The following CMYA5 variants were observed in gnomAD, a reference collection of about 807,000 sequenced individuals.
The protein encoded by CMYA5 is cardiomyopathy associated 5.
CMYA5 carries 246 observed loss-of-function variants against 318.9 expected under a neutral mutation model. The observed-to-expected ratio is 0.77, with a 90% confidence interval of 0.70 to 0.86. CMYA5 has a LOEUF of 0.86. Ranked by LOEUF, CMYA5 falls within the 40% of genes least tolerant of loss-of-function variation. The pLI is 0.00. For synonymous variants in CMYA5, 1,641 were observed against 1,729.5 expected (o/e 0.95, Z 1.27); for missense variants, 4,589 against 4,678.2 (o/e 0.98, Z 0.56).
At position 79,731,532 on chromosome 5, in the gene CMYA5, C is replaced by A. The variant is rs1246426258; in HGVS notation, c.2767C>A (p.Leu923Ile). The change falls in exon 2 of 13, where the codon CTA becomes ATA. Residue 923 changes from leucine (L) to isoleucine (I), a missense_variant. Physicochemically the swap from Leu to Ile is conservative, Grantham distance 5 (BLOSUM62 2). Transcript: ENST00000446378. ...AQEEEIVHRS[L>I]NLKGASSPMN... is the part of the protein sequence containing the mutation. The stretch of plus-strand genomic sequence containing the variant: ...GGAGGAAGAAATTGTCCATAGATCT[C>A]TAAATCTAAAAGGTGCATCCTCACC... The A allele has an allele frequency of 1.9e-6, 3 of 1,603,852 alleles. No individual in the cohort carries two copies. Among genetic ancestry groups the A allele is most frequent in the Non-Finnish European group, 2.6e-6 (3 of 1,175,348 alleles).
intron 9 of CMYA5, among the ~76,000 whole-genome samples, chr5:79,775,964 A>G (rs1040856464): frequency 1.3e-5 from 2 of 152,166 alleles, no homozygotes; most frequent in African/African-American, 4.8e-5. Flanking sequence ...AACTATAGAG[A>G]AAACAAAAAT....
chr5:79,758,152 C>A (rs914459946), intron 6 of CMYA5, among the ~76,000 whole-genome samples: 1 of 150,434 alleles, frequency 6.6e-6, no homozygotes, highest in Non-Finnish European at 1.5e-5. Context: ...ATTGCTTGAA[C>A]CCGGGAGGCG....
chr5:79,698,317 CAAAAAA>C (rs60791912), intron 1 of CMYA5, among the ~76,000 whole-genome samples: 4 of 148,882 alleles, frequency 2.7e-5, no homozygotes, highest in East Asian at 2.0e-4. Context: ...AAAACAAAAA[CAAAAAA>C]AAAAACACCT....
At chr5:79,775,616 A>G (rs1006451185) in intron 9 of CMYA5, among the ~76,000 whole-genome samples, 2 of 152,240 alleles carry the variant, frequency 1.3e-5, no homozygotes, top group East Asian at 3.8e-4. Flanking sequence ...ACTAAGAGAG[A>G]CAATTATATT....
intron 9 of CMYA5, among the ~76,000 whole-genome samples, chr5:79,778,815 G>GTGTGTGTGTGTGTGTGTGTGTGTA (rs1828994537): frequency 1.9e-5 from 2 of 106,070 alleles, no homozygotes; most frequent in Admixed American, 9.7e-5. Flanking sequence ...CTCTTTCTGT[G>GTGTGTGTGTGTGTGTGTGTGTGTA]TGTGTGTGTG....
intron 1 of CMYA5, among the ~76,000 whole-genome samples, chr5:79,707,011 G>A (rs921172924): frequency 1.3e-5 from 2 of 152,030 alleles, no homozygotes; most frequent in Admixed American, 6.6e-5. Flanking sequence ...TTTTTGCTTC[G>A]TTTTAATTTT....
chr5:79,791,590 G>A (rs1469219691), intron 11 of CMYA5, among the ~76,000 whole-genome samples: 2 of 151,838 alleles, frequency 1.3e-5, no homozygotes, highest in Non-Finnish European at 2.9e-5. Context: ...GTGTGGTGGT[G>A]CACGCCTGTA....
intron 9 of CMYA5, among the ~76,000 whole-genome samples, chr5:79,776,834 T>C (rs1828947815): frequency 7.5e-6 from 1 of 133,506 alleles, no homozygotes; most frequent in Non-Finnish European, 1.5e-5. Context: ...GTGACGACAC[T>C]AACTGTAGGC....
At chr5:79,798,142 T>G (rs1580813183) in intron 12 of CMYA5, among the ~76,000 whole-genome samples, 2 of 151,984 alleles carry the variant, frequency 1.3e-5, no homozygotes, top group African/African-American at 4.8e-5. Context: ...CCCTTCCACG[T>G]GAGCTTCTTT....
intron 6 of CMYA5, among the ~76,000 whole-genome samples, chr5:79,755,647 G>A (rs184118492): frequency 0.01 from 1,584 of 152,218 alleles, 13 homozygotes; most frequent in Non-Finnish European, 0.014. Flanking sequence ...TAAACTCCGG[G>A]TCTCTGATGT....
At chr5:79,696,360 G>C (rs1580742544) in intron 1 of CMYA5, among the ~76,000 whole-genome samples, 1 of 152,178 alleles carries the variant, frequency 6.6e-6, no homozygotes. Context: ...TTTCTATTAA[G>C]ACAACCAAAG....
Position 79,733,937 on chromosome 5 carries a change from G to C in CMYA5, c.5172G>C (p.Glu1724Asp), listed in dbSNP as rs1207360981. The change falls in exon 2 of 13, where the codon GAG (glutamate) becomes GAC (aspartate). Residue 1724 changes from glutamate (E) to aspartate (D), a missense_variant. Glu to Asp is a conservative substitution (Grantham distance 45). Transcript: ENST00000446378. ...TCTCTCCCAAGATCATCAGCCTAGA[G>C]TCGAAAGAACCACCTGCCTCTGTAG... The part of the protein sequence containing the change: ...KPFSPKIISL[E>D]SKEPPASVAE... The C allele has an allele frequency of 1.2e-6, 2 of 1,613,450 alleles. No homozygotes were observed. The highest frequency in any genetic ancestry group is 3.3e-5 in the Admixed American group (2 of 59,962).
At position 79,730,656 on chromosome 5, in the gene CMYA5, TC is replaced by T; in HGVS notation, c.1892del (p.Ser631Ter). 1 of 1,614,030 alleles carries T rather than the reference TC, an allele frequency of 6.2e-7. No homozygotes were observed. ...VEAIAEHAVLSEEENEEFEAY... is the reference protein window; with the variant it reads ...VEAIAEHAVLXEEENEEFEAY... ...AGCTATAGCTGAACATGCAGTTTTG[TC>T]AGAAGAAGAGAATGAGGAATTTGAG... On this transcript the variant is annotated frameshift_variant, in exon 2 of 13. Coordinates refer to ENST00000446378, the MANE Select transcript of CMYA5 (RefSeq NM_153610.5). LOFTEE classifies it high-confidence loss of function.
chr5:79,789,959 C>T (rs564264068), intron 10 of CMYA5, among the ~76,000 whole-genome samples: 4 of 152,220 alleles, frequency 2.6e-5, no homozygotes, highest in African/African-American at 9.6e-5. Context: ...GGGAAAATAC[C>T]TAGATGATGC....
intron 8 of CMYA5, chr5:79,762,858 G>A (rs887707738): frequency 1.0e-5 from 6 of 571,656 alleles, no homozygotes; most frequent in East Asian, 2.9e-5. Flanking sequence ...GGATGGGTGA[G>A]AACTGGGCAA....
rs778463437 is a variant in CMYA5 at position 79,735,429 on chromosome 5, A to C, written c.6664A>C (p.Thr2222Pro). The C allele has an allele frequency of 6.2e-7, 1 of 1,613,800 alleles. No individual in the cohort carries two copies. The highest frequency in any genetic ancestry group is 8.5e-7 in the Non-Finnish European group (1 of 1,179,814). ...KAVTVIDPEG[T>P]IPTNFNVAEK... ...AGTGACTGTGATAGATCCTGAAGGT[A>C]CAATTCCCACCAATTTTAATGTAGC... Residue 2222 changes from threonine to proline, a missense_variant, in exon 2 of 13, where the codon ACA becomes CCA. Transcript: ENST00000446378.
chr5:79,738,427 C>T lies in CMYA5; in HGVS notation c.9662C>T (p.Ala3221Val), dbSNP rs748670232. Reference protein sequence around the residue: ...ASEGDSVNSEASFPSRNSDTD... With the variant: ...ASEGDSVNSEVSFPSRNSDTD... Reference sequence around the variant, plus strand: ...GAAGGTGACAGTGTGAATTCTGAGGCATCATTTCCCAGCAGAAATTCTGAC... The same window carrying T: ...GAAGGTGACAGTGTGAATTCTGAGGTATCATTTCCCAGCAGAAATTCTGAC... The change falls in exon 2 of 13, where the codon GCA becomes GTA. Residue 3221 changes from alanine to valine, a missense_variant. Transcript: ENST00000446378. The T allele has an allele frequency of 6.2e-7, 1 of 1,613,604 alleles. No homozygotes were observed. Among genetic ancestry groups the T allele is most frequent in the South Asian group, 1.1e-5 (1 of 91,012 alleles).
At position 79,731,301 on chromosome 5, in the gene CMYA5, C is replaced by T; in HGVS notation, c.2536C>T (p.Pro846Ser). The change falls in exon 2 of 13, where the codon CCA becomes TCA. Residue 846 changes from proline to serine, a missense_variant. Pro to Ser is a moderately conservative substitution (Grantham distance 74). Around this residue, in one of 3 missense-constraint regions of CMYA5, gnomAD observed 2,132 missense variants for 2,131.3 expected, o/e 1.00. Coordinates refer to ENST00000446378, the MANE Select transcript of CMYA5 (RefSeq NM_153610.5). ...CAAGGAGGTCATTGGACCATCTTCC[C>T]CAGATTTGGTTGTTGCATCTGAACA... is the stretch of plus-strand genomic sequence containing the variant. ...DGKEVIGPSS[P>S]DLVVASEHSF... is the part of the protein sequence containing the mutation. 1 of 1,613,920 alleles carries T rather than the reference C, an allele frequency of 6.2e-7. No homozygotes were observed. Among genetic ancestry groups the T allele is most frequent in the Non-Finnish European group, 8.5e-7 (1 of 1,179,844 alleles).
rs372086445 is a variant in CMYA5 at position 79,762,009 on chromosome 5, C to T, written c.11407+52C>T. The stretch of plus-strand genomic sequence containing the variant: ...TTAGAAGACAACGCTCAGTTCTTCA[C>T]AGACTCTTGAGATCAGCCAGTAAGT... On this transcript the variant is annotated intron_variant, in intron 8 of 12. Coordinates refer to ENST00000446378, the MANE Select transcript of CMYA5 (RefSeq NM_153610.5). The T allele has an allele frequency of 5.3e-5, 82 of 1,560,550 alleles. No homozygotes were observed. The African/African-American group carries it at 7.6e-4, about 14-fold the overall frequency.
Sources: gnomAD v4.1 joint callset for allele counts (sites outside exome capture counted in the v4.1 genomes callset) on GRCh38, gnomAD v4.1.1 for gene constraint, gnomAD v4.1.1 regional missense constraint, MANE v1.5 for transcripts, NCBI Gene and HGNC (gene_info 2026-07-23, HGNC 2026-07-21) for gene names.